Variants in AK8 observed in about 807,000 individuals in gnomAD.
The protein encoded by AK8 is adenylate kinase 8.
AK8 carries 44 observed loss-of-function variants against 54.6 expected under a neutral mutation model. The ratio of observed to expected loss-of-function variants is 0.81; its 90% confidence interval spans 0.63 to 1.04. The LOEUF is 1.04. Among genes scored for constraint, AK8 ranks in the 50% least tolerant of loss-of-function variants. AK8 has a pLI of 0.00. For missense variants in AK8, 555 were observed against 613.6 expected, an observed-to-expected ratio of 0.90 and a Z score of 1.01; for synonymous variants, 239 against 245.6, an observed-to-expected ratio of 0.97 and a Z score of 0.25.
chr9:132,877,478 G>A (rs982991739), intron 1 of AK8, among the ~76,000 whole-genome samples: 21 of 152,200 alleles, frequency 1.4e-4, no homozygotes, highest in Non-Finnish European at 2.9e-4. Context: ...GAACCTTTGA[G>A]TGGCTGAGAG....
intron 11 of AK8, among the ~76,000 whole-genome samples, chr9:132,762,503 C>G (rs773304336): frequency 6.6e-6 from 1 of 152,148 alleles, no homozygotes; most frequent in Non-Finnish European, 1.5e-5. Flanking sequence ...GCTCTCCCTT[C>G]CACAAAGACG....
intron 11 of AK8, among the ~76,000 whole-genome samples, chr9:132,743,468 A>G (rs1048917336): frequency 2.0e-5 from 3 of 152,208 alleles, no homozygotes; most frequent in African/African-American, 4.8e-5. Context: ...AAAGTTACAT[A>G]AGCACATTCC....
chr9:132,845,778 CA>C (rs35258934), intron 5 of AK8, among the ~76,000 whole-genome samples: 10,806 of 108,736 alleles, frequency 0.099, 655 homozygotes, highest in African/African-American at 0.25. Context: ...AACTCCATCT[CA>C]AAAAAAAAAA....
intron 5 of AK8, among the ~76,000 whole-genome samples, chr9:132,846,581 C>G (rs1001926932): frequency 2.0e-5 from 3 of 152,200 alleles, no homozygotes; most frequent in African/African-American, 7.2e-5. Context: ...GACTGGGGAG[C>G]CGGGTAGGCC....
intron 4 of AK8, among the ~76,000 whole-genome samples, chr9:132,858,487 G>C (rs1843262674): frequency 6.6e-6 from 1 of 152,232 alleles, no homozygotes; most frequent in Admixed American, 6.5e-5. Context: ...AGTGATGCCT[G>C]CTCAGAAGTT....
chr9:132,759,301 G>C (rs1049492149), intron 11 of AK8, among the ~76,000 whole-genome samples: 1 of 151,474 alleles, frequency 6.6e-6, no homozygotes, highest in East Asian at 1.9e-4. Flanking sequence ...TTTATATTAA[G>C]CATACTTTAT....
chr9:132,863,525 G>C (rs1308902341), intron 4 of AK8, 140 bp downstream of exon 4: 2 of 630,402 alleles, frequency 3.2e-6, no homozygotes, highest in East Asian at 5.6e-5. Context: ...CACCCTGCCT[G>C]TATCTCATTT....
chr9:132,829,343 C>T (rs73549171), intron 5 of AK8, among the ~76,000 whole-genome samples: 10 of 152,212 alleles, frequency 6.6e-5, no homozygotes, highest in Middle Eastern at 3.4e-3. Context: ...ACATTATCAA[C>T]GGCTGTGCAA....
chr9:132,737,293 A>G (rs907528745), intron 11 of AK8, among the ~76,000 whole-genome samples: 1 of 152,248 alleles, frequency 6.6e-6, no homozygotes, highest in Non-Finnish European at 1.5e-5. Flanking sequence ...GATGGACAAA[A>G]CAATGAACCA....
chr9:132,780,758 G>C (rs7868303), intron 11 of AK8, among the ~76,000 whole-genome samples: 22,834 of 152,132 alleles, frequency 0.15, 1,833 homozygotes, highest in Admixed American at 0.21. Flanking sequence ...CCAATGAAGA[G>C]AGAAAAAGAT....
intron 11 of AK8, among the ~76,000 whole-genome samples, chr9:132,763,169 T>C (rs1283356540): frequency 6.6e-6 from 1 of 152,226 alleles, no homozygotes; most frequent in African/African-American, 2.4e-5. Flanking sequence ...TGACACCATC[T>C]TGAAGCTGGA....
intron 10 of AK8, among the ~76,000 whole-genome samples, chr9:132,805,068 T>G (rs1002055144): frequency 3.3e-5 from 5 of 152,162 alleles, no homozygotes; most frequent in African/African-American, 1.2e-4. Flanking sequence ...ACAGCTACAC[T>G]GAGAGACCTC....
chr9:132,735,231 C>T (rs899727252), intron 11 of AK8, among the ~76,000 whole-genome samples: 1 of 152,170 alleles, frequency 6.6e-6, no homozygotes, highest in Non-Finnish European at 1.5e-5. Context: ...CCACTCTAGC[C>T]ACACTGCCTG....
At chr9:132,793,181 G>A (rs1840020861) in intron 10 of AK8, among the ~76,000 whole-genome samples, 1 of 152,194 alleles carries the variant, frequency 6.6e-6, no homozygotes, top group Admixed American at 6.5e-5. Context: ...CTGGTTCACA[G>A]ATGGTGCCTT....
chr9:132,808,921 G>C (rs951359876), intron 10 of AK8, among the ~76,000 whole-genome samples: 1 of 152,188 alleles, frequency 6.6e-6, no homozygotes, highest in Non-Finnish European at 1.5e-5. Flanking sequence ...AGACTCTATA[G>C]TGCCTGGCTT....
chr9:132,841,680 A>G (rs141352054), intron 5 of AK8, among the ~76,000 whole-genome samples: 54 of 152,280 alleles, frequency 3.5e-4, no homozygotes, highest in African/African-American at 1.3e-3. Flanking sequence ...TCTGGGCCTC[A>G]GTTTCCCTTT....
At chr9:132,876,520 A>G (rs1844108338) in intron 1 of AK8, among the ~76,000 whole-genome samples, 2 of 152,210 alleles carry the variant, frequency 1.3e-5, no homozygotes, top group South Asian at 4.1e-4. Context: ...AACTGTATGC[A>G]CAACAAAAAC....
At chr9:132,872,058 G>A (rs557519514) in intron 2 of AK8, among the ~76,000 whole-genome samples, 169 of 152,304 alleles carry the variant, frequency 1.1e-3, no homozygotes, top group African/African-American at 3.7e-3. Context: ...CAGAGGGCCA[G>A]GCACAGTGGT....
At chr9:132,818,314 T>TC (rs925819090) in intron 9 of AK8, among the ~76,000 whole-genome samples, 1 of 152,044 alleles carries the variant, frequency 6.6e-6, no homozygotes, top group Non-Finnish European at 1.5e-5. Context: ...TAAAAGTCTC[T>TC]CCCCCCTTAT....
Sources: gnomAD v4.1 joint callset for allele counts (sites outside exome capture counted in the v4.1 genomes callset) on GRCh38, gnomAD v4.1.1 for gene constraint, MANE v1.5 for transcripts, NCBI Gene and HGNC (gene_info 2026-07-23, HGNC 2026-07-21) for gene names.